Variants in CERS3 observed in about 807,000 individuals in gnomAD.
The protein encoded by CERS3 is ceramide synthase 3.
CERS3 carries 33 observed loss-of-function variants against 50.3 expected under a neutral mutation model. The observed-to-expected ratio is 0.66, with a 90% confidence interval of 0.50 to 0.88. CERS3 has a LOEUF of 0.88. CERS3 is among the 40% of genes least tolerant of loss of function. The probability of loss-of-function intolerance (pLI) is 0.00; values close to 1 mark genes in which losing one functional copy is unlikely to be tolerated. For synonymous variants in CERS3, 176 were observed against 155.2 expected (o/e 1.13, Z -0.99); for missense variants, 470 against 460.3 (o/e 1.02, Z -0.19).
At chr15:100,508,119 A>G (rs1422343650) in intron 2 of CERS3, among the ~76,000 whole-genome samples, 1 of 151,948 alleles carries the variant, frequency 6.6e-6, no homozygotes, top group Non-Finnish European at 1.5e-5. Flanking sequence ...TAGCAGAGGT[A>G]CCTGTTTTTA....
At chr15:100,402,928 G>T (rs1181271959) in intron 11 of CERS3, 63 bp from the exon 12 acceptor site, 1 of 1,496,510 alleles carries the variant, frequency 6.7e-7, no homozygotes, top group Non-Finnish European at 9.0e-7. Flanking sequence ...GAGTAAATCT[G>T]CCAACAGCCA....
intron 9 of CERS3, among the ~76,000 whole-genome samples, chr15:100,469,904 G>A (rs12910782): frequency 6.6e-6 from 1 of 151,780 alleles, no homozygotes; most frequent in East Asian, 1.9e-4. Context: ...CCTGAGCTGG[G>A]CTGGGAATGC....
intron 11 of CERS3, among the ~76,000 whole-genome samples, chr15:100,441,060 G>T (rs1248524805): frequency 6.6e-6 from 1 of 152,160 alleles, no homozygotes; most frequent in African/African-American, 2.4e-5. Context: ...TTCACCCTTA[G>T]CGGCAAGTCC....
chr15:100,412,160 T>C (rs1172736134), intron 11 of CERS3, among the ~76,000 whole-genome samples: 1 of 152,220 alleles, frequency 6.6e-6, no homozygotes, highest in African/African-American at 2.4e-5. Context: ...TCTGTGCCTT[T>C]AGTGTCATAT....
At chr15:100,497,852 TACACACACAC>T (rs57343426) in intron 3 of CERS3, among the ~76,000 whole-genome samples, 3,188 of 108,570 alleles carry the variant, frequency 0.029, 98 homozygotes, top group African/African-American at 0.057. Flanking sequence ...ACCTATCTCT[TACACACACAC>T]ACACACACAC....
intron 11 of CERS3, among the ~76,000 whole-genome samples, chr15:100,430,042 G>A (rs1214788396): frequency 6.6e-6 from 1 of 151,950 alleles, no homozygotes; most frequent in African/African-American, 2.4e-5. Context: ...GCCGGGCGCG[G>A]TGGCTCACAC....
intron 1 of CERS3, among the ~76,000 whole-genome samples, chr15:100,538,488 T>A (rs1319201659): frequency 6.6e-6 from 1 of 152,260 alleles, no homozygotes; most frequent in Non-Finnish European, 1.5e-5. Context: ...GATTCTTGAC[T>A]TCTGTGCACC....
At chr15:100,428,464 T>G (rs2032949104) in intron 11 of CERS3, among the ~76,000 whole-genome samples, 1 of 152,228 alleles carries the variant, frequency 6.6e-6, no homozygotes, top group African/African-American at 2.4e-5. Flanking sequence ...ACCTCGGCAC[T>G]GTGGATATTT....
At chr15:100,457,482 A>T (rs1397541286) in intron 10 of CERS3, among the ~76,000 whole-genome samples, 1 of 152,240 alleles carries the variant, frequency 6.6e-6, no homozygotes. Context: ...TTTAAGATTC[A>T]TTCAGTTGTC....
At chr15:100,525,377 C>A (rs1467931468) in intron 1 of CERS3, among the ~76,000 whole-genome samples, 1 of 152,158 alleles carries the variant, frequency 6.6e-6, no homozygotes, top group South Asian at 2.1e-4. Context: ...ATTTAAGTAG[C>A]AGGAAGATAC....
intron 11 of CERS3, among the ~76,000 whole-genome samples, chr15:100,427,774 TATG>T (rs1409538206): frequency 2.6e-5 from 4 of 152,178 alleles, no homozygotes; most frequent in South Asian, 4.1e-4. Context: ...TCCTCATAAA[TATG>T]ATGGCTTGAG....
At chr15:100,418,910 T>C (rs1167840786) in intron 11 of CERS3, among the ~76,000 whole-genome samples, 8 of 151,600 alleles carry the variant, frequency 5.3e-5, no homozygotes, top group East Asian at 1.9e-4. Flanking sequence ...CAGGCCTGCC[T>C]TACAAGAGCT....
intron 2 of CERS3, among the ~76,000 whole-genome samples, chr15:100,502,762 C>G (rs1343423303): frequency 6.6e-6 from 1 of 151,952 alleles, no homozygotes; most frequent in Non-Finnish European, 1.5e-5. Flanking sequence ...GTCTCGTAAG[C>G]AAGGCAGGCC....
chr15:100,429,203 C>T (rs1040485331), intron 11 of CERS3, among the ~76,000 whole-genome samples: 4 of 152,204 alleles, frequency 2.6e-5, no homozygotes, highest in Admixed American at 2.0e-4. Flanking sequence ...GGTGTTTGTC[C>T]TCAGTGAGCT....
At chr15:100,526,111 G>A (rs1567683802) in intron 1 of CERS3, among the ~76,000 whole-genome samples, 1 of 152,234 alleles carries the variant, frequency 6.6e-6, no homozygotes. Flanking sequence ...CAAACATAGA[G>A]ATAGATTGCC....
intron 7 of CERS3, among the ~76,000 whole-genome samples, chr15:100,476,767 G>C (rs1170063389): frequency 6.6e-6 from 1 of 152,174 alleles, no homozygotes; most frequent in Non-Finnish European, 1.5e-5. Flanking sequence ...TTTTAGCTAA[G>C]TTGAGACATT....
At chr15:100,504,565 A>C (rs1041572935) in intron 2 of CERS3, among the ~76,000 whole-genome samples, 10 of 152,184 alleles carry the variant, frequency 6.6e-5, no homozygotes, top group Admixed American at 2.0e-4. Flanking sequence ...CTTTTATTAG[A>C]ATTTCTACCC....
chr15:100,519,627 C>G (rs1336839414), intron 2 of CERS3, among the ~76,000 whole-genome samples: 1 of 152,130 alleles, frequency 6.6e-6, no homozygotes, highest in Non-Finnish European at 1.5e-5. Flanking sequence ...TCTTCCCTGC[C>G]CAGTGAAGCT....
Position 100,411,379 on chromosome 15 carries a change from C to T in CERS3, c.1000-8514G>A, listed in dbSNP as rs182375318. Among the ~76,000 whole-genome samples the T allele has an allele frequency of 5.2e-3, 798 of 152,244 alleles. 7 individuals are homozygous for T. The highest frequency in any genetic ancestry group is 0.018 in the African/African-American group (764 of 41,552). ...GTTTCACCATGTTGGCCAGGCTGGT[C>T]TTGAACTCCTGACCTCAGGTGATCC... On this transcript the variant is annotated intron_variant, in intron 11 of 11. Transcript: ENST00000679737.
Sources: allele counts gnomAD v4.1 joint callset (sites outside exome capture counted in the v4.1 genomes callset), GRCh38; gene constraint gnomAD v4.1.1; transcripts MANE v1.5; gene names NCBI Gene and HGNC (gene_info 2026-07-23, HGNC 2026-07-21).